The following DLG2 variants were observed in gnomAD, a reference collection of about 807,000 sequenced individuals.
DLG2 encodes disks large homolog 2.
A neutral mutation model predicts 132.5 loss-of-function variants in DLG2; 45 were observed. That is an observed-to-expected ratio of 0.34 (90% CI 0.27 to 0.44). The LOEUF is 0.44. DLG2 is among the 20% of genes least tolerant of loss of function. The pLI, the probability that DLG2 is intolerant of heterozygous loss-of-function variation, is 1.00. For synonymous variants in DLG2, 424 were observed against 419.6 expected (o/e 1.01, Z -0.13); for missense variants, 1,045 against 1,196.9 (o/e 0.87, Z 1.87).
chr11:84,373,169 A>G (rs1306323026), intron 7 of DLG2, among the ~76,000 whole-genome samples: 4 of 149,816 alleles, frequency 2.7e-5, no homozygotes, highest in South Asian at 4.2e-4. Context: ...CCAACGTTCA[A>G]ACTCCAGACG....
intron 6 of DLG2, among the ~76,000 whole-genome samples, chr11:84,547,850 AC>A (rs1444011263): frequency 6.6e-6 from 1 of 152,008 alleles, no homozygotes; most frequent in Non-Finnish European, 1.5e-5. Flanking sequence ...AAATGGAACT[AC>A]CCCTGGTAGA....
intron 16 of DLG2, among the ~76,000 whole-genome samples, chr11:83,838,530 C>T (rs553996065): frequency 6.6e-6 from 1 of 152,148 alleles, no homozygotes; most frequent in Non-Finnish European, 1.5e-5. Flanking sequence ...CCAGAGATTG[C>T]AAACCAGCAA....
chr11:83,898,599 G>T (rs1037193344), intron 15 of DLG2, among the ~76,000 whole-genome samples: 23 of 151,614 alleles, frequency 1.5e-4, no homozygotes, highest in Non-Finnish European at 2.9e-4. Flanking sequence ...CTTTCTATGA[G>T]ATATTATTTA....
intron 6 of DLG2, among the ~76,000 whole-genome samples, chr11:84,749,809 C>A (rs1210597912): frequency 6.6e-6 from 1 of 152,110 alleles, no homozygotes; most frequent in East Asian, 1.9e-4. Flanking sequence ...TGGATTCCCC[C>A]TGCTGTTGGT....
chr11:83,545,873 T>C (rs1008498076), intron 19 of DLG2, among the ~76,000 whole-genome samples: 11 of 152,156 alleles, frequency 7.2e-5, no homozygotes, highest in Admixed American at 3.3e-4. Flanking sequence ...TGGATATTAA[T>C]GGATCCTCAC....
chr11:85,197,276 G>GT (rs1314795015), intron 4 of DLG2, among the ~76,000 whole-genome samples: 2 of 152,144 alleles, frequency 1.3e-5, no homozygotes, highest in East Asian at 1.9e-4. Context: ...CCAGAGTTCT[G>GT]TTTTTTTCTT....
At chr11:85,210,915 T>C (rs1429545438) in intron 4 of DLG2, among the ~76,000 whole-genome samples, 1 of 152,078 alleles carries the variant, frequency 6.6e-6, no homozygotes, top group East Asian at 1.9e-4. Context: ...TCCTGTCTAA[T>C]CTTATTCCCT....
intron 19 of DLG2, among the ~76,000 whole-genome samples, chr11:83,579,540 GTAT>G (rs1279886145): frequency 6.6e-6 from 1 of 151,770 alleles, no homozygotes; most frequent in Admixed American, 6.6e-5. Flanking sequence ...TTTACTTGTG[GTAT>G]TATGCCTTAA....
intron 6 of DLG2, among the ~76,000 whole-genome samples, chr11:84,601,029 T>A (rs2099575546): frequency 6.6e-6 from 1 of 152,164 alleles, no homozygotes; most frequent in Non-Finnish European, 1.5e-5. Flanking sequence ...TTTGCTCACT[T>A]CATTGTGTTT....
At chr11:84,504,091 C>T (rs368468893) in intron 7 of DLG2, among the ~76,000 whole-genome samples, 1 of 152,190 alleles carries the variant, frequency 6.6e-6, no homozygotes, top group African/African-American at 2.4e-5. Context: ...TGAGCAATTA[C>T]TATAGACCAA....
chr11:83,643,441 T>C (rs2153489343), intron 18 of DLG2, among the ~76,000 whole-genome samples: 1 of 152,314 alleles, frequency 6.6e-6, no homozygotes, highest in East Asian at 1.9e-4. Context: ...GTGTGATTTA[T>C]AGCTAATGGT....
chr11:84,666,518 G>C (rs1565604544), intron 6 of DLG2, among the ~76,000 whole-genome samples: 1 of 151,792 alleles, frequency 6.6e-6, no homozygotes, highest in Non-Finnish European at 1.5e-5. Flanking sequence ...ACCCCATATT[G>C]GTTCTGTTTC....
chr11:83,795,934 C>A (rs929621262), intron 17 of DLG2, among the ~76,000 whole-genome samples: 1 of 152,212 alleles, frequency 6.6e-6, no homozygotes, highest in African/African-American at 2.4e-5. Flanking sequence ...CATTTATGCA[C>A]ATGCTATTTT....
chr11:84,726,945 G>C (rs932358949), intron 6 of DLG2, among the ~76,000 whole-genome samples: 1 of 152,030 alleles, frequency 6.6e-6, no homozygotes, highest in Non-Finnish European at 1.5e-5. Flanking sequence ...GTTTTTGATA[G>C]GGTTGTTGCC....
intron 6 of DLG2, among the ~76,000 whole-genome samples, chr11:84,931,517 C>A (rs921366548): frequency 1.3e-5 from 2 of 152,152 alleles, no homozygotes; most frequent in Non-Finnish European, 2.9e-5. Flanking sequence ...TTTATGGACG[C>A]ATAGTATTTC....
At chr11:84,101,082 T>C (rs1264356302) in intron 9 of DLG2, among the ~76,000 whole-genome samples, 3 of 152,146 alleles carry the variant, frequency 2.0e-5, no homozygotes, top group Non-Finnish European at 2.9e-5. Flanking sequence ...TTAATATTTA[T>C]TAAACACCAC....
intron 3 of DLG2, among the ~76,000 whole-genome samples, chr11:85,380,537 G>A (rs2085796314): frequency 6.6e-6 from 1 of 152,160 alleles, no homozygotes; most frequent in South Asian, 2.1e-4. Context: ...GCACATGCCT[G>A]TAATCCCAAC....
chr11:84,354,979 T>C (rs1447166903), intron 7 of DLG2, among the ~76,000 whole-genome samples: 1 of 152,122 alleles, frequency 6.6e-6, no homozygotes, highest in Non-Finnish European at 1.5e-5. Flanking sequence ...TTTTTGAACA[T>C]TTACTATATA....
rs528729414 is a variant in DLG2, at chr11:83,881,031, G to T, written c.1497-6543C>A. Among the ~76,000 whole-genome samples the T allele has an allele frequency of 1.9e-4, 14 of 75,208 alleles. No homozygotes were observed. The South Asian group carries it at 3.7e-3, about 20-fold the overall frequency. 49.3% of individuals were successfully genotyped at this position (75,208 alleles called of 152,430 possible). ...TTAAGTTGGTGCAAAAGTAATAGTG[G>T]TTTTTTCCATTTTTTTAAAAAAAAT... On this transcript the variant is annotated intron_variant, in intron 15 of 27. Transcript: ENST00000376104.
Sources: gnomAD v4.1 joint callset for allele counts (sites outside exome capture counted in the v4.1 genomes callset) on GRCh38, gnomAD v4.1.1 for gene constraint, MANE v1.5 for transcripts, NCBI Gene and HGNC (gene_info 2026-07-23, HGNC 2026-07-21) for gene names.